The following ANXA4 variants were observed in gnomAD, a reference collection of about 807,000 sequenced individuals.
ANXA4 encodes annexin A4, also known as 35-beta calcimedin.
In ANXA4, 39 loss-of-function variants were observed where a neutral mutation model predicts 49.8. The ratio of observed to expected loss-of-function variants is 0.78; its 90% CI spans 0.61 to 1.02. ANXA4 has a LOEUF of 1.02. ANXA4 is among the 50% of genes least tolerant of loss of function. ANXA4 has a pLI of 0.00. For missense variants in ANXA4, 360 were observed against 410.1 expected, an observed-to-expected ratio of 0.88 and a Z score of 1.05; for synonymous variants, 134 against 152.5, an observed-to-expected ratio of 0.88 and a Z score of 0.89.
chr2:69,662,988 T>TTTCC (rs1269163728), intron 2 of ANXA4, among the ~76,000 whole-genome samples: 72 of 138,344 alleles, frequency 5.2e-4, no homozygotes, highest in African/African-American at 1.8e-3. Context: ...TGGTTTTTCT[T>TTTCC]TTTCTTTTTT....
At chr2:69,700,327 AGCTATG>A (rs1406894775) in intron 2 of ANXA4, 1 of 152,174 alleles carries the variant, frequency 6.6e-6, no homozygotes, top group African/African-American at 2.4e-5. Flanking sequence ...GGCTACAGTG[AGCTATG>A]GCACCACTGC....
chr2:69,734,116 C>G (rs1670179332), intron 3 of ANXA4, among the ~76,000 whole-genome samples: 1 of 152,194 alleles, frequency 6.6e-6, no homozygotes, highest in South Asian at 2.1e-4. Flanking sequence ...AGCCATCTGG[C>G]AAGGAAAGTC....
intron 3 of ANXA4, among the ~76,000 whole-genome samples, chr2:69,789,360 C>T (rs1672569935): frequency 6.6e-6 from 1 of 152,186 alleles, no homozygotes. Context: ...ACTAAGTCCA[C>T]ATTCTTGCCT....
At chr2:69,670,555 A>C (rs1677138042) in intron 2 of ANXA4, among the ~76,000 whole-genome samples, 1 of 152,132 alleles carries the variant, frequency 6.6e-6, no homozygotes, top group African/African-American at 2.4e-5. Flanking sequence ...TAACTAAGAC[A>C]ATGTGGCATG....
At chr2:69,651,497 CTTGTT>C (rs1676229397) in intron 1 of ANXA4, among the ~76,000 whole-genome samples, 1 of 151,774 alleles carries the variant, frequency 6.6e-6, no homozygotes, top group South Asian at 2.1e-4. Flanking sequence ...ATCCATTTGT[CTTGTT>C]GTTGTTGTTG....
In ANXA4 at chr2:69,683,977, A is replaced by G. The variant is rs540772081; in HGVS notation, n.766+30695A>G. Among the ~76,000 whole-genome samples, 7 of 152,338 alleles carry G rather than the reference A, an allele frequency of 4.6e-5. No individual in the cohort carries two copies. The East Asian group carries it at 1.3e-3, about 29-fold the overall frequency. On this transcript the variant is annotated intron_variant and non_coding_transcript_variant, in intron 2 of 3. Coordinates refer to the ANXA4 transcript ENST00000418066. ...AGTTCCAGGTAAGAGAATGCAGCAT[A>G]ACAAGAGTTGATTGTTTTAAGTTGT...
At chr2:69,735,358 C>T (rs537110447) in intron 3 of ANXA4, among the ~76,000 whole-genome samples, 2 of 152,292 alleles carry the variant, frequency 1.3e-5, no homozygotes, top group South Asian at 4.1e-4. Context: ...TGTCTGTGGT[C>T]ACCAGTCACC....
chr2:69,656,389 GTGTATATATA>G (rs1461030810), intron 2 of ANXA4, among the ~76,000 whole-genome samples: 17 of 85,794 alleles, frequency 2.0e-4, no homozygotes, highest in South Asian at 1.4e-3. Context: ...GTATATATAT[GTGTATATATA>G]TGTATATATA....
rs542032764 is a variant in ANXA4 at position 69,792,469 on chromosome 2, TAA to T, written c.97+4330_97+4331del. Among the ~76,000 whole-genome samples, 20 of 152,358 alleles carry T rather than the reference TAA, an allele frequency of 1.3e-4. No individual in the cohort carries two copies. The East Asian group carries it at 3.7e-3, about 28-fold the overall frequency. On this transcript the variant is annotated intron_variant, in intron 3 of 12. Coordinates refer to ENST00000394295, the MANE Select transcript of ANXA4 (RefSeq NM_001153.5). ...TGTTATAACCCTTGACAAGTTTTGCTAAAGAGTAGATTAGCATTTTAAGAAAA... is the reference window on the plus strand; with the variant it reads ...TGTTATAACCCTTGACAAGTTTTGCTAGAGTAGATTAGCATTTTAAGAAAA...
rs34710767 is a variant in ANXA4, at chr2:69,770,930, TA to T, written c.-46-10576del. Among the ~76,000 whole-genome samples, 684 of 141,476 alleles carry T rather than the reference TA, an allele frequency of 4.8e-3. 1 individual carries two copies. The highest frequency in any genetic ancestry group is 5.7e-3 in the Admixed American group (81 of 14,192). The allele number at this position is 141,476 out of a possible 152,430, so 92.8% of individuals were successfully genotyped here. A position where few individuals can be genotyped will look rare whatever the true frequency, so the allele number is the denominator to read the frequency against. ...GCAGCGAGGCCTTGTCTAGAAAATT[TA>T]AAAAAAAAAAAAATTAGCTGGGCGT... is the stretch of plus-strand genomic sequence containing the variant. On this transcript the variant is annotated intron_variant, in intron 1 of 12. Transcript: ENST00000394295.
At chr2:69,708,921 A>T (rs1678588970) in intron 2 of ANXA4, among the ~76,000 whole-genome samples, 1 of 152,102 alleles carries the variant, frequency 6.6e-6, no homozygotes, top group Non-Finnish European at 1.5e-5. Flanking sequence ...ACTTAAAAAA[A>T]AAAACCTCTA....
chr2:69,660,688 G>T (rs1676679685), intron 2 of ANXA4, among the ~76,000 whole-genome samples: 1 of 151,336 alleles, frequency 6.6e-6, no homozygotes, highest in African/African-American at 2.4e-5. Context: ...TAAAGCAAAT[G>T]GTTAAATAGC....
intron 8 of ANXA4, chr2:69,815,856 C>T (rs756983011): frequency 4.2e-6 from 2 of 481,046 alleles, no homozygotes; most frequent in African/African-American, 1.9e-5. Context: ...AAGATAGAAC[C>T]ATGTAGTCTC....
chr2:69,768,412 G>A (rs549282400), intron 1 of ANXA4, among the ~76,000 whole-genome samples: 1 of 152,286 alleles, frequency 6.6e-6, no homozygotes, highest in East Asian at 1.9e-4. Context: ...CTGGAAGCTG[G>A]GAGAGGACCA....
intron 8 of ANXA4, among the ~76,000 whole-genome samples, chr2:69,814,165 C>T (rs1673847136): frequency 6.6e-6 from 1 of 151,904 alleles, no homozygotes; most frequent in South Asian, 2.1e-4. Flanking sequence ...GAACCTGTTG[C>T]TTTCATTAGA....
chr2:69,657,385 G>T (rs958428803), intron 2 of ANXA4, among the ~76,000 whole-genome samples: 1 of 150,024 alleles, frequency 6.7e-6, no homozygotes, highest in African/African-American at 2.5e-5. Context: ...AATTACAAAG[G>T]ATATTTCTGG....
At chr2:69,691,249 A>G (rs1034252744) in intron 2 of ANXA4, among the ~76,000 whole-genome samples, 2 of 151,736 alleles carry the variant, frequency 1.3e-5, no homozygotes, top group Middle Eastern at 3.4e-3. Flanking sequence ...TCAGCCTCTC[A>G]AGTAACTGAG....
At chr2:69,666,421 A>G (rs942289622) in intron 2 of ANXA4, among the ~76,000 whole-genome samples, 3 of 152,234 alleles carry the variant, frequency 2.0e-5, no homozygotes, top group Non-Finnish European at 4.4e-5. Context: ...GGTGGAAAAC[A>G]GTTTGCTAGT....
intron 1 of ANXA4, among the ~76,000 whole-genome samples, chr2:69,769,732 C>T (rs573031264): frequency 7.9e-5 from 12 of 152,258 alleles, no homozygotes; most frequent in African/African-American, 2.2e-4. Context: ...GGCGTGATCT[C>T]GGCTCACTGC....
Sources: gnomAD v4.1 joint callset for allele counts (sites outside exome capture counted in the v4.1 genomes callset) on GRCh38, gnomAD v4.1.1 for gene constraint, MANE v1.5 for transcripts, NCBI Gene and HGNC (gene_info 2026-07-23, HGNC 2026-07-21) for gene names.